Variants in SPAG16 observed in about 807,000 individuals in gnomAD.
SPAG16 encodes sperm associated antigen 16, also known as sperm-associated antigen 16 protein.
SPAG16 carries 86 observed loss-of-function variants against 80.4 expected under a neutral mutation model. That is an observed-to-expected ratio of 1.07 (90% CI 0.90 to 1.28). The LOEUF (loss-of-function observed/expected upper bound fraction) is 1.28. SPAG16 is among the 50% of genes most tolerant of loss of function. SPAG16 has a pLI of 0.00. For missense variants in SPAG16, 870 were observed against 765.3 expected, an observed-to-expected ratio of 1.14 and a Z score of -1.61; for synonymous variants, 294 against 265.9, an observed-to-expected ratio of 1.11 and a Z score of -1.03.
At chr2:214,153,630 A>G (rs538337711) in intron 15 of SPAG16, among the ~76,000 whole-genome samples, 1 of 152,114 alleles carries the variant, frequency 6.6e-6, no homozygotes, top group Non-Finnish European at 1.5e-5. Flanking sequence ...CACAAGAAAG[A>G]TGCTTGAGGC....
chr2:214,135,366 C>A (rs1427944788), intron 14 of SPAG16, among the ~76,000 whole-genome samples: 1 of 152,120 alleles, frequency 6.6e-6, no homozygotes, highest in Admixed American at 6.6e-5. Context: ...TTGATTTGTT[C>A]TTTGTTAATA....
chr2:214,313,326 T>C (rs1256794959), intron 15 of SPAG16, among the ~76,000 whole-genome samples: 1 of 152,156 alleles, frequency 6.6e-6, no homozygotes, highest in Non-Finnish European at 1.5e-5. Context: ...TGAAGTTACA[T>C]TACTTTTCAT....
At chr2:214,244,268 C>T (rs764228647) in intron 15 of SPAG16, among the ~76,000 whole-genome samples, 1 of 151,546 alleles carries the variant, frequency 6.6e-6, no homozygotes, top group Non-Finnish European at 1.5e-5. Context: ...TTTATCAGCT[C>T]CCAATGCAAT....
At chr2:213,358,721 G>T (rs937467783) in intron 7 of SPAG16, among the ~76,000 whole-genome samples, 3 of 152,136 alleles carry the variant, frequency 2.0e-5, no homozygotes, top group Non-Finnish European at 4.4e-5. Context: ...TTAGCTTGGA[G>T]AAGTTTGTTA....
chr2:213,543,678 G>A (rs1412231139), intron 10 of SPAG16, among the ~76,000 whole-genome samples: 1 of 151,936 alleles, frequency 6.6e-6, no homozygotes. Flanking sequence ...TGACCAAACA[G>A]CTTTATTATG....
At chr2:213,893,156 T>C (rs2076852041) in intron 11 of SPAG16, among the ~76,000 whole-genome samples, 1 of 152,088 alleles carries the variant, frequency 6.6e-6, no homozygotes, top group South Asian at 2.1e-4. Context: ...AGAATGACAT[T>C]TCTACTAAAG....
chr2:214,396,860 C>G (rs1422805814), intron 15 of SPAG16, among the ~76,000 whole-genome samples: 1 of 151,752 alleles, frequency 6.6e-6, no homozygotes, highest in African/African-American at 2.4e-5. Flanking sequence ...TGCAAAGTTG[C>G]CACTGAAACA....
intron 10 of SPAG16, among the ~76,000 whole-genome samples, chr2:213,656,014 C>G (rs1426082924): frequency 6.6e-6 from 1 of 152,062 alleles, no homozygotes; most frequent in African/African-American, 2.4e-5. Flanking sequence ...ATTGTTTTTG[C>G]TGTGTAATTC....
chr2:213,533,185 A>G (rs1057366322), intron 10 of SPAG16, among the ~76,000 whole-genome samples: 1 of 152,142 alleles, frequency 6.6e-6, no homozygotes, highest in Non-Finnish European at 1.5e-5. Context: ...AATGTCCCCT[A>G]TTTTTCATAT....
At chr2:213,937,135 A>G (rs969059789) in intron 12 of SPAG16, among the ~76,000 whole-genome samples, 1 of 152,138 alleles carries the variant, frequency 6.6e-6, no homozygotes, top group Non-Finnish European at 1.5e-5. Flanking sequence ...TAGTAATACA[A>G]TGGAGTTTAG....
intron 12 of SPAG16, among the ~76,000 whole-genome samples, chr2:213,933,606 G>A (rs1366484722): frequency 6.6e-6 from 1 of 152,222 alleles, no homozygotes; most frequent in Non-Finnish European, 1.5e-5. Context: ...TATTCCAGCT[G>A]TTTTAACAAG....
chr2:213,503,773 G>C (rs561737593), intron 10 of SPAG16, among the ~76,000 whole-genome samples: 14 of 152,186 alleles, frequency 9.2e-5, no homozygotes, highest in African/African-American at 3.4e-4. Context: ...AGAGGTTTAA[G>C]AGTTTAAAAT....
intron 15 of SPAG16, among the ~76,000 whole-genome samples, chr2:214,203,559 C>T (rs2058067058): frequency 6.6e-6 from 1 of 152,150 alleles, no homozygotes; most frequent in African/African-American, 2.4e-5. Context: ...ACTGGGGAAC[C>T]TCAAGTTCCA....
At chr2:213,758,554 TA>T (rs2068471043) in intron 10 of SPAG16, among the ~76,000 whole-genome samples, 1 of 151,810 alleles carries the variant, frequency 6.6e-6, no homozygotes, top group South Asian at 2.1e-4. Flanking sequence ...ACAACTTAAA[TA>T]AAAAATTTAC....
chr2:213,530,040 T>G (rs1362770364), intron 10 of SPAG16, among the ~76,000 whole-genome samples: 1 of 152,172 alleles, frequency 6.6e-6, no homozygotes, highest in African/African-American at 2.4e-5. Flanking sequence ...TCAGAGATAA[T>G]AACAAGGATG....
intron 15 of SPAG16, among the ~76,000 whole-genome samples, chr2:214,403,281 A>G (rs1302379434): frequency 6.6e-6 from 1 of 150,712 alleles, no homozygotes; most frequent in Non-Finnish European, 1.5e-5. Flanking sequence ...ATAATTTTAA[A>G]TTTTCTAGTG....
At chr2:214,212,361 G>A (rs2058317203) in intron 15 of SPAG16, among the ~76,000 whole-genome samples, 1 of 151,806 alleles carries the variant, frequency 6.6e-6, no homozygotes, top group South Asian at 2.1e-4. Context: ...TAACTTCCTT[G>A]ACCTCCCTAT....
At chr2:213,330,238 T>G (rs1273634823) in intron 5 of SPAG16, among the ~76,000 whole-genome samples, 1 of 151,194 alleles carries the variant, frequency 6.6e-6, no homozygotes, top group Admixed American at 6.6e-5. Context: ...GAATGATGGA[T>G]CCACCGACAG....
chr2:213,303,192 T>C (rs1397952475), intron 3 of SPAG16, among the ~76,000 whole-genome samples: 1 of 152,096 alleles, frequency 6.6e-6, no homozygotes, highest in African/African-American at 2.4e-5. Flanking sequence ...GACATTTGAA[T>C]TGGCATCCTG....
Sources: gnomAD v4.1 joint callset for allele counts (sites outside exome capture counted in the v4.1 genomes callset) on GRCh38, gnomAD v4.1.1 for gene constraint, MANE v1.5 for transcripts, NCBI Gene and HGNC (gene_info 2026-07-23, HGNC 2026-07-21) for gene names.